The following PRKG1 variants were observed in gnomAD, a reference collection of about 807,000 sequenced individuals.
PRKG1 encodes protein kinase cGMP-dependent 1.
In PRKG1, 35 loss-of-function variants were observed where a neutral mutation model predicts 88.1. That is an observed-to-expected ratio of 0.40 (90% confidence interval 0.30 to 0.53). The LOEUF (loss-of-function observed/expected upper bound fraction) is 0.53. Among genes scored for constraint, PRKG1 ranks in the 20% least tolerant of loss-of-function variants. The pLI is 0.59. For synonymous variants in PRKG1, 303 were observed against 292.5 expected (o/e 1.04, Z -0.37); for missense variants, 540 against 839.8 (o/e 0.64, Z 4.41).
At chr10:51,889,594 A>G (rs113518283) in intron 4 of PRKG1, among the ~76,000 whole-genome samples, 1 of 152,226 alleles carries the variant, frequency 6.6e-6, no homozygotes, top group African/African-American at 2.4e-5. Flanking sequence ...GGCTGGGTCA[A>G]ATGTTATTTC....
At chr10:51,233,056 C>A (rs1838888510) in intron 2 of PRKG1, among the ~76,000 whole-genome samples, 1 of 152,152 alleles carries the variant, frequency 6.6e-6, no homozygotes, top group Admixed American at 6.5e-5. Flanking sequence ...TGTAGGTGAC[C>A]ATGCTGAGAA....
chr10:52,224,301 C>T (rs988880843), intron 9 of PRKG1, among the ~76,000 whole-genome samples: 3 of 151,956 alleles, frequency 2.0e-5, no homozygotes, highest in African/African-American at 7.3e-5. Context: ...TTTTCTCTAC[C>T]CAGAATACTC....
chr10:51,334,247 CT>C (rs1330061811), intron 2 of PRKG1, among the ~76,000 whole-genome samples: 17 of 150,938 alleles, frequency 1.1e-4, no homozygotes, highest in African/African-American at 3.9e-4. Flanking sequence ...TGGGTGTCCC[CT>C]TCTACTACTC....
rs558679775 is a variant in PRKG1 at position 51,202,497 on chromosome 10, C to G, written c.478+49167C>G. 2.6e-5 allele frequency among the ~76,000 whole-genome samples: 4 copies of G among 152,320 alleles called. No homozygotes were observed. The East Asian group carries it at 7.7e-4, about 29-fold the overall frequency. ...GTAAATCTCCTGCAAGAATTCCTAT[C>G]TCAGGCTTTGCCTCAAGAAAACCCC... On this transcript the variant is annotated intron_variant, in intron 2 of 17. Coordinates refer to ENST00000373980, the MANE Select transcript of PRKG1 (RefSeq NM_006258.4).
rs74132467 is a variant in PRKG1, at chr10:51,864,416, G to T, written c.699-43091G>T. Among the ~76,000 whole-genome samples, 1,407 of 152,252 alleles carry T rather than the reference G, an allele frequency of 9.2e-3. 21 individuals are homozygous for T. The highest frequency in any genetic ancestry group is 0.032 in the African/African-American group (1,345 of 41,546). On this transcript the variant is annotated intron_variant, in intron 4 of 17. Transcript: ENST00000373980. The stretch of plus-strand genomic sequence containing the variant: ...ACATGTGTGATGATAATTTTAAAAA[G>T]TTTGGAATGTATTGAGTTAGATAGT...
chr10:51,894,349 A>G (rs992783636), intron 4 of PRKG1, among the ~76,000 whole-genome samples: 1 of 152,174 alleles, frequency 6.6e-6, no homozygotes, highest in Admixed American at 6.5e-5. Flanking sequence ...TCTAAGGGAT[A>G]CCTGCCATAG....
At chr10:51,041,209 C>G (rs995038871) in intron 1 of PRKG1, among the ~76,000 whole-genome samples, 1 of 152,156 alleles carries the variant, frequency 6.6e-6, no homozygotes, top group African/African-American at 2.4e-5. Flanking sequence ...CTAGGTATCC[C>G]TTCCAGGTAG....
At chr10:51,122,977 C>T (rs1589169165) in intron 1 of PRKG1, among the ~76,000 whole-genome samples, 1 of 152,164 alleles carries the variant, frequency 6.6e-6, no homozygotes, top group African/African-American at 2.4e-5. Context: ...TTTCTGACAA[C>T]ACACAATGTA....
intron 2 of PRKG1, among the ~76,000 whole-genome samples, chr10:51,406,255 T>A (rs10822934): frequency 0.12 from 18,127 of 152,298 alleles, 1,316 homozygotes; most frequent in Admixed American, 0.23. Context: ...CAAGAGCTTA[T>A]ACATCATTCC....
intron 3 of PRKG1, among the ~76,000 whole-genome samples, chr10:51,630,915 GC>G (rs1184591367): frequency 1.2e-4 from 18 of 152,124 alleles, no homozygotes; most frequent in Admixed American, 6.5e-5. Context: ...TGAAGTGGTG[GC>G]CTTCAATGAT....
At chr10:51,689,843 TTAAA>T (rs1310792901) in intron 3 of PRKG1, among the ~76,000 whole-genome samples, 5 of 152,144 alleles carry the variant, frequency 3.3e-5, no homozygotes, top group Non-Finnish European at 7.4e-5. Flanking sequence ...GCAAATTCAA[TTAAA>T]TAAAACTAGG....
At chr10:52,154,168 GATAA>G (rs754846309) in intron 8 of PRKG1, among the ~76,000 whole-genome samples, 11 of 152,132 alleles carry the variant, frequency 7.2e-5, no homozygotes, top group African/African-American at 2.2e-4. Context: ...CTTTTGATAA[GATAA>G]ATAGATTCTG....
intron 7 of PRKG1, among the ~76,000 whole-genome samples, chr10:52,078,354 G>A (rs181900889): frequency 1.3e-5 from 2 of 152,086 alleles, no homozygotes; most frequent in Non-Finnish European, 2.9e-5. Flanking sequence ...AATATATGGG[G>A]GAAAGATAAA....
intron 9 of PRKG1, among the ~76,000 whole-genome samples, chr10:52,244,902 A>G (rs1339335707): frequency 4.1e-5 from 2 of 48,476 alleles, no homozygotes; most frequent in Non-Finnish European, 1.1e-4. Context: ...TTTTTAATAA[A>G]CTTTTTAAAA....
intron 2 of PRKG1, among the ~76,000 whole-genome samples, chr10:51,465,297 T>C (rs1373215078): frequency 6.6e-6 from 1 of 152,202 alleles, no homozygotes; most frequent in African/African-American, 2.4e-5. Flanking sequence ...GAATTCTTAG[T>C]AGTGGTTTTA....
chr10:52,110,760 G>A (rs1285871525), intron 7 of PRKG1, among the ~76,000 whole-genome samples: 5 of 152,118 alleles, frequency 3.3e-5, no homozygotes, highest in Non-Finnish European at 5.9e-5. Flanking sequence ...CACATAGTTG[G>A]TACCACTTTA....
At position 51,455,925 on chromosome 10, in the gene PRKG1, C is replaced by T. The variant is rs191132831; in HGVS notation, c.479-11798C>T. Among the ~76,000 whole-genome samples the T allele has an allele frequency of 1.6e-4, 24 of 152,280 alleles. No homozygotes were observed. The East Asian group carries it at 4.6e-3, about 29-fold the overall frequency. Reference sequence around the variant, plus strand: ...TTACCCAATTTGAAAGTCACTTCCACGTTTTTGGGTATCTTTACAGCAGCA... The same window carrying T: ...TTACCCAATTTGAAAGTCACTTCCATGTTTTTGGGTATCTTTACAGCAGCA... On this transcript the variant is annotated intron_variant, in intron 2 of 17. Transcript: ENST00000373980.
intron 2 of PRKG1, among the ~76,000 whole-genome samples, chr10:51,317,034 G>C (rs1163623755): frequency 6.6e-6 from 1 of 152,212 alleles, no homozygotes; most frequent in Non-Finnish European, 1.5e-5. Flanking sequence ...GGTCAGGTAA[G>C]TTGGTAGGTA....
Position 51,317,362 on chromosome 10 carries a change from T to C in PRKG1, c.479-150361T>C, listed in dbSNP as rs1180820705. On this transcript the variant is annotated intron_variant, in intron 2 of 17. Coordinates refer to ENST00000373980, the MANE Select transcript of PRKG1 (RefSeq NM_006258.4). ...TTCAAGTGAGAAAAATATAAAGTAG[T>C]CACAAATATTTGATTTTAAGATTAA... Among the ~76,000 whole-genome samples, 4 of 152,198 alleles carry C rather than the reference T, an allele frequency of 2.6e-5. No homozygotes were observed. The South Asian group carries it at 8.3e-4, about 32-fold the overall frequency.
Sources: gnomAD v4.1 joint callset for allele counts (sites outside exome capture counted in the v4.1 genomes callset) on GRCh38, gnomAD v4.1.1 for gene constraint, MANE v1.5 for transcripts, NCBI Gene and HGNC (gene_info 2026-07-23, HGNC 2026-07-21) for gene names.